SPATS2: variants seen among roughly 807,000 people sequenced by gnomAD.
SPATS2 encodes the protein spermatogenesis associated serine rich 2, also known as spermatogenesis-associated serine-rich protein 2.
In SPATS2, 38 loss-of-function variants were observed where a neutral mutation model predicts 63.7. The observed-to-expected ratio is 0.60, with a 90% CI of 0.46 to 0.78. The LOEUF is 0.78. Among genes scored for constraint, SPATS2 ranks in the 30% least tolerant of loss-of-function variants. The probability of loss-of-function intolerance (pLI) is 0.00; values close to 1 mark genes in which losing one functional copy is unlikely to be tolerated. For synonymous variants in SPATS2, 207 were observed against 232.9 expected (o/e 0.89, Z 1.01); for missense variants, 588 against 666.2 (o/e 0.88, Z 1.29).
intron 9 of SPATS2, among the ~76,000 whole-genome samples, chr12:49,500,833 A>G (rs553198289): frequency 2.4e-4 from 37 of 152,262 alleles, no homozygotes; most frequent in Admixed American, 7.9e-4. Flanking sequence ...AAATGACATG[A>G]TGTATGTTTT....
intron 2 of SPATS2, chr12:49,389,868 G>T (rs1592351288): frequency 1.2e-6 from 1 of 833,842 alleles, no homozygotes; most frequent in East Asian, 2.4e-5. Context: ...TAGCAAAAAA[G>T]ATGATCCGGG....
chr12:49,473,002 A>C (rs1464851234), intron 3 of SPATS2, among the ~76,000 whole-genome samples: 1 of 149,498 alleles, frequency 6.7e-6, no homozygotes, highest in Non-Finnish European at 1.5e-5. Flanking sequence ...GTGAGCCATG[A>C]TTATGTCACT....
At chr12:49,443,750 C>G (rs1945464312) in intron 2 of SPATS2, among the ~76,000 whole-genome samples, 1 of 151,932 alleles carries the variant, frequency 6.6e-6, no homozygotes, top group South Asian at 2.1e-4. Context: ...CTCTCTTTTC[C>G]CTATTGAATA....
At chr12:49,458,487 A>G (rs1477602594) in intron 2 of SPATS2, among the ~76,000 whole-genome samples, 2 of 152,026 alleles carry the variant, frequency 1.3e-5, no homozygotes, top group East Asian at 3.9e-4. Context: ...GGAAAAGAAA[A>G]AAAAAATATT....
intron 7 of SPATS2, 29 bp downstream of exon 7, chr12:49,495,031 T>C: frequency 6.6e-7 from 1 of 1,507,108 alleles, no homozygotes; most frequent in Non-Finnish European, 8.9e-7. Flanking sequence ...TTTGAAAAAG[T>C]TGCATTCAGT....
At chr12:49,441,347 C>T (rs1945414807) in intron 2 of SPATS2, among the ~76,000 whole-genome samples, 1 of 152,186 alleles carries the variant, frequency 6.6e-6, no homozygotes, top group Non-Finnish European at 1.5e-5. Context: ...CATCAAGTAT[C>T]TCTTCTCGTT....
intron 2 of SPATS2, among the ~76,000 whole-genome samples, chr12:49,412,459 C>A (rs1316868878): frequency 3.3e-5 from 5 of 152,090 alleles, no homozygotes; most frequent in Admixed American, 2.0e-4. Flanking sequence ...GCCTTGGCCT[C>A]CCAAAGTGCT....
At chr12:49,497,251 A>G (rs1946478695) in intron 8 of SPATS2, among the ~76,000 whole-genome samples, 1 of 152,162 alleles carries the variant, frequency 6.6e-6, no homozygotes, top group African/African-American at 2.4e-5. Flanking sequence ...AATTAAAGTC[A>G]AACTCTACTG....
intron 4 of SPATS2, among the ~76,000 whole-genome samples, chr12:49,485,098 G>A (rs1355576420): frequency 1.4e-5 from 2 of 144,124 alleles, no homozygotes; most frequent in African/African-American, 2.6e-5. Flanking sequence ...ACGGAGTCTC[G>A]CACTGTCACC....
At chr12:49,389,543 G>C (rs1944382696) in intron 2 of SPATS2, 1 of 978,216 alleles carries the variant, frequency 1.0e-6, no homozygotes, top group African/African-American at 1.6e-5. Flanking sequence ...GAAGGCACTT[G>C]CTGATGCTAA....
At chr12:49,419,317 G>A (rs533430368) in intron 2 of SPATS2, among the ~76,000 whole-genome samples, 14 of 152,236 alleles carry the variant, frequency 9.2e-5, no homozygotes, top group Middle Eastern at 6.8e-3. Context: ...GTTCATTTTT[G>A]GGCAAAATAA....
At chr12:49,374,036 T>C (rs1267365459) in intron 2 of SPATS2, among the ~76,000 whole-genome samples, 1 of 151,774 alleles carries the variant, frequency 6.6e-6, no homozygotes, top group African/African-American at 2.4e-5. Context: ...TAGTGAGCTA[T>C]GATCATGTCA....
At position 49,522,784 on chromosome 12, in the gene SPATS2, C is replaced by A. The variant is rs1299780276; in HGVS notation, c.1042C>A (p.Leu348Met). 3 of 1,613,704 alleles carry A rather than the reference C, an allele frequency of 1.9e-6. No individual in the cohort carries two copies. The part of the protein sequence containing the change: ...FVSERKYDED[L>M]GRVARFTCDV... The stretch of plus-strand genomic sequence containing the variant: ...TAGTGAACGTAAATATGATGAGGAT[C>A]TGGGACGAGTAGCCCGGTTCACCTG... Residue 348 changes from leucine (L) to methionine (M), a missense_variant, in exon 12 of 14, where the codon CTG (leucine) becomes ATG (methionine). Transcript: ENST00000552918.
In SPATS2 at chr12:49,371,305, A is replaced by G. The variant is rs1469486707; in HGVS notation, c.-244+15A>G. ...TTACCTCATATGTAAGTGGAATCAT[A>G]CAATATTTACTTTTTTGTGTCTGGT... is the stretch of plus-strand genomic sequence containing the variant. On this transcript the variant is annotated intron_variant, in intron 2 of 13. Coordinates refer to ENST00000552918, the MANE Select transcript of SPATS2 (RefSeq NM_023071.4). The G allele has an allele frequency of 6.6e-6, 1 of 152,232 alleles. No individual in the cohort carries two copies. Among genetic ancestry groups the G allele is most frequent in the Non-Finnish European group, 1.5e-5 (1 of 68,044 alleles). 9.4% of individuals were successfully genotyped at this position (152,232 alleles called of 1,614,324 possible). A position where few individuals can be genotyped will look rare whatever the true frequency, so the allele number is the denominator to read the frequency against.
At chr12:49,480,663 G>A (rs957819749) in intron 3 of SPATS2, among the ~76,000 whole-genome samples, 19 of 152,268 alleles carry the variant, frequency 1.2e-4, no homozygotes, top group Admixed American at 1.1e-3. Flanking sequence ...GCTGCATCAT[G>A]TGGTAGTTCT....
At chr12:49,466,825 AC>A (rs1365754484) in intron 3 of SPATS2, among the ~76,000 whole-genome samples, 3 of 152,172 alleles carry the variant, frequency 2.0e-5, no homozygotes, top group African/African-American at 7.2e-5. Context: ...GTCAGTTCTT[AC>A]AAGAATATCT....
intron 2 of SPATS2, among the ~76,000 whole-genome samples, chr12:49,412,699 T>A (rs1944818220): frequency 6.6e-6 from 1 of 151,030 alleles, no homozygotes; most frequent in South Asian, 2.1e-4. Flanking sequence ...TGAGCCATGA[T>A]CACAACACAC....
chr12:49,384,011 T>A (rs1360112238), intron 2 of SPATS2, among the ~76,000 whole-genome samples: 1 of 152,220 alleles, frequency 6.6e-6, no homozygotes, highest in Non-Finnish European at 1.5e-5. Context: ...CCATATTCCC[T>A]TCTCTCAGCT....
chr12:49,397,550 G>A (rs1944532188), intron 2 of SPATS2, among the ~76,000 whole-genome samples: 1 of 152,150 alleles, frequency 6.6e-6, no homozygotes, highest in African/African-American at 2.4e-5. Flanking sequence ...CTGGCTGGCT[G>A]AGTGCTGTGG....
Sources: allele counts gnomAD v4.1 joint callset (sites outside exome capture counted in the v4.1 genomes callset), GRCh38; gene constraint gnomAD v4.1.1; transcripts MANE v1.5; gene names NCBI Gene and HGNC (gene_info 2026-07-23, HGNC 2026-07-21).